TMEM39B: variants seen among roughly 807,000 people sequenced by gnomAD.
TMEM39B encodes the protein transmembrane protein 39B.
TMEM39B carries 23 observed loss-of-function variants against 52.2 expected under a neutral mutation model. The ratio of observed to expected loss-of-function variants is 0.44; its 90% CI spans 0.32 to 0.62. The LOEUF (loss-of-function observed/expected upper bound fraction) is 0.62, where lower values mean the gene tolerates loss of function less well. TMEM39B is among the 20% of genes least tolerant of loss of function. The probability of loss-of-function intolerance (pLI) is 0.06; values close to 1 mark genes in which losing one functional copy is unlikely to be tolerated. For missense variants in TMEM39B, 547 were observed against 642.0 expected (o/e 0.85, Z 1.60); for synonymous variants, 285 against 264.0 (o/e 1.08, Z -0.77).
At chr1:32,100,409 G>A in intron 7 of TMEM39B, 33 bp from the exon 8 acceptor site, 1 of 1,523,384 alleles carries the variant, frequency 6.6e-7, no homozygotes, top group Middle Eastern at 1.8e-4. Context: ...GGGTGAGCTG[G>A]GGATAAGGGG....
At chr1:32,092,776 C>T (rs987646679) in intron 6 of TMEM39B, among the ~76,000 whole-genome samples, 1 of 152,106 alleles carries the variant, frequency 6.6e-6, no homozygotes, top group African/African-American at 2.4e-5. Flanking sequence ...CAGGCATGAG[C>T]CACCACACCC....
At chr1:32,072,772 C>G, upstream of TMEM39B, 3 of 522,466 alleles carry the variant, frequency 5.7e-6, no homozygotes, top group Non-Finnish European at 1.0e-5. Context: ...GTTCCGTTCC[C>G]CTCCCTCTTG....
Position 32,091,893 on chromosome 1 carries a change from T to A in TMEM39B, c.809T>A (p.Leu270His), listed in dbSNP as rs962110119. ...PTHACCLSPS[L>H]IRSEVEFLKM... ...CATGCCTGCTGCCTGTCACCCAGCC[T>A]CATCCGCAGTGAGGTGGAGTTCCTC... The change falls in exon 6 of 9, where the codon CTC becomes CAC. Residue 270 changes from leucine (L) to histidine (H), a missense_variant. Leu to His is a moderately conservative substitution (Grantham distance 99, BLOSUM62 -3). Transcript: ENST00000336294. 8.7e-6 allele frequency: 14 copies of A among 1,614,202 alleles called. No individual in the cohort carries two copies. The highest frequency in any genetic ancestry group is 1.0e-5 in the Non-Finnish European group (12 of 1,180,024).
At chr1:32,082,687 C>G (rs1232201004) in intron 5 of TMEM39B, among the ~76,000 whole-genome samples, 1 of 152,038 alleles carries the variant, frequency 6.6e-6, no homozygotes, top group Non-Finnish European at 1.5e-5. Flanking sequence ...AACTCCCAAC[C>G]TCAAGTGATC....
rs892034614 is a variant in TMEM39B at position 32,073,194 on chromosome 1, C to T, written c.4+143C>T. 4.4e-6 allele frequency: 5 copies of T among 1,130,714 alleles called. No homozygotes were observed. The African/African-American group carries it at 6.6e-5, about 15-fold the overall frequency. 70.0% of individuals were successfully genotyped at this position (1,130,714 alleles called of 1,614,324 possible). A position where few individuals can be genotyped will look rare whatever the true frequency, so the allele number is the denominator to read the frequency against. On this transcript the variant is annotated intron_variant, in intron 1 of 8. Coordinates refer to ENST00000336294, the MANE Select transcript of TMEM39B (RefSeq NM_018056.4). ...GCGAGCGCAGACGGGATCCCGCCCC[C>T]TCCTGTCGTTTTGCGGGGTGGGGCC...
intron 1 of TMEM39B, chr1:32,073,716 C>T (rs753781750): frequency 2.0e-6 from 2 of 985,248 alleles, no homozygotes; most frequent in Non-Finnish European, 2.4e-6. Context: ...GAGGGCAGAG[C>T]TCTTCGCCAG....
At chr1:32,086,471 C>G (rs1038253710) in intron 5 of TMEM39B, among the ~76,000 whole-genome samples, 1 of 152,194 alleles carries the variant, frequency 6.6e-6, no homozygotes, top group South Asian at 2.1e-4. Context: ...AGTACACACA[C>G]AAAAAAGAAA....
intron 5 of TMEM39B, among the ~76,000 whole-genome samples, chr1:32,083,388 G>A (rs1322531662): frequency 7.0e-6 from 1 of 143,556 alleles, no homozygotes; most frequent in Non-Finnish European, 1.5e-5. Flanking sequence ...TGGCCGGCAG[G>A]AACATTTTTT....
At chr1:32,098,091 G>T (rs1184146941) in intron 7 of TMEM39B, among the ~76,000 whole-genome samples, 2 of 151,904 alleles carry the variant, frequency 1.3e-5, no homozygotes, top group South Asian at 2.1e-4. Context: ...CCACCTTCCG[G>T]GTTCAAGCGA....
intron 5 of TMEM39B, among the ~76,000 whole-genome samples, chr1:32,088,189 G>T (rs1640451569): frequency 1.4e-5 from 2 of 147,462 alleles, no homozygotes; most frequent in Admixed American, 1.4e-4. Context: ...CGGCCGAAGT[G>T]GGCGATCACG....
rs898806409 is a variant in TMEM39B, at chr1:32,075,057, C to T, written c.111C>T (p.Thr37=). 1 of 1,551,104 alleles carries T rather than the reference C, an allele frequency of 6.4e-7. No homozygotes were observed. Among genetic ancestry groups the T allele is most frequent in the African/African-American group, 1.4e-5 (1 of 73,016 alleles). Residue 37 remains threonine, a synonymous_variant, in exon 2 of 9, where the codon ACC becomes ACT. Transcript: ENST00000336294. ...GCCACACTTCCAGTGCATCGGTGAC[C>T]AGTGTTCGTTCCCGCACCAGGTAAA... is the stretch of plus-strand genomic sequence containing the variant. ...SGSHTSSASV[T]SVRSRTRSSS... is the part of the protein sequence containing the mutation.
chr1:32,101,244 G>A (rs1641008202), intron 8 of TMEM39B, among the ~76,000 whole-genome samples: 1 of 152,078 alleles, frequency 6.6e-6, no homozygotes, highest in South Asian at 2.1e-4. Flanking sequence ...TGAAAGATAT[G>A]CTAGGGTTAT....
At chr1:32,099,248 C>A (rs1640928090) in intron 7 of TMEM39B, among the ~76,000 whole-genome samples, 1 of 149,056 alleles carries the variant, frequency 6.7e-6, no homozygotes, top group Admixed American at 6.7e-5. Flanking sequence ...AAAAAAAACA[C>A]TCATAGGTTG....
At chr1:32,087,956 C>G (rs1569904348) in intron 5 of TMEM39B, 1 of 149,264 alleles carries the variant, frequency 6.7e-6, no homozygotes, top group Non-Finnish European at 1.5e-5. Flanking sequence ...CCCATCTCTT[C>G]TGTTTTTTAA....
At chr1:32,073,585 T>C in intron 1 of TMEM39B, 1 of 988,958 alleles carries the variant, frequency 1.0e-6, no homozygotes, top group African/African-American at 1.7e-5. Context: ...GGTGCAGAGC[T>C]TCTAAAGAGA....
Position 32,085,191 on chromosome 1 carries a change from T to G in TMEM39B, c.591-6484T>G, listed in dbSNP as rs960620746. On this transcript the variant is annotated intron_variant, in intron 5 of 8. Transcript: ENST00000336294. ...TTCCTTTGATATTTCTTTGATAATA[T>G]CTTCCTTTTAATTTTTTCTATTATC... Among the ~76,000 whole-genome samples, 3 of 152,286 alleles carry G rather than the reference T, an allele frequency of 2.0e-5. No individual in the cohort carries two copies. In the East Asian group the frequency reaches 5.8e-4, roughly 29 times the overall value.
intron 5 of TMEM39B, among the ~76,000 whole-genome samples, chr1:32,085,307 CTCTT>C (rs1640295172): frequency 2.0e-5 from 3 of 151,580 alleles, no homozygotes; most frequent in Non-Finnish European, 4.4e-5. Flanking sequence ...CTCTCTCTCT[CTCTT>C]TGTATGTGCA....
chr1:32,073,915 T>G, intron 1 of TMEM39B: 1 of 980,460 alleles, frequency 1.0e-6, no homozygotes, highest in South Asian at 4.7e-5. Context: ...TATATGTATG[T>G]ATATATATTT....
At chr1:32,091,510 T>G (rs188863364) in intron 5 of TMEM39B, among the ~76,000 whole-genome samples, 165 bp from the exon 6 acceptor site, 4 of 152,324 alleles carry the variant, frequency 2.6e-5, no homozygotes, top group East Asian at 1.9e-4. Flanking sequence ...GCTGAGTGAC[T>G]GGCCATTGGA....
Sources: gnomAD v4.1 joint callset for allele counts (sites outside exome capture counted in the v4.1 genomes callset) on GRCh38, gnomAD v4.1.1 for gene constraint, MANE v1.5 for transcripts, NCBI Gene and HGNC (gene_info 2026-07-23, HGNC 2026-07-21) for gene names.